PCDH15: variants seen among roughly 807,000 people sequenced by gnomAD.
The protein encoded by PCDH15 is protocadherin related 15.
A neutral mutation model predicts 178.5 loss-of-function variants in PCDH15; 129 were observed. The ratio of observed to expected loss-of-function variants is 0.72; its 90% CI spans 0.63 to 0.84. The LOEUF is 0.84. Among genes scored for constraint, PCDH15 ranks in the 40% least tolerant of loss-of-function variants. The pLI is 0.00. For synonymous variants in PCDH15, 800 were observed against 732.0 expected (o/e 1.09, Z -1.50); for missense variants, 2,230 against 2,099.9 (o/e 1.06, Z -1.21).
chr10:53,965,877 T>C (rs1209428034), intron 21 of PCDH15, among the ~76,000 whole-genome samples: 3 of 146,308 alleles, frequency 2.1e-5, no homozygotes, highest in Non-Finnish European at 3.0e-5. Flanking sequence ...AAATTTTTTT[T>C]TGCATATGGA....
chr10:54,989,116 T>G (rs767020359), intron 2 of PCDH15, among the ~76,000 whole-genome samples: 8 of 152,148 alleles, frequency 5.3e-5, no homozygotes, highest in Non-Finnish European at 8.8e-5. Context: ...CCCTGTGGTG[T>G]TGTGCCTTCA....
At chr10:54,570,085 C>T (rs540378743) in intron 2 of PCDH15, among the ~76,000 whole-genome samples, 15 of 151,356 alleles carry the variant, frequency 9.9e-5, no homozygotes, top group African/African-American at 3.1e-4. Context: ...TGTGTGAATG[C>T]GTTTATCTCA....
chr10:55,360,285 A>C (rs1009209053), intron 2 of PCDH15, among the ~76,000 whole-genome samples: 1 of 152,024 alleles, frequency 6.6e-6, no homozygotes, highest in Non-Finnish European at 1.5e-5. Flanking sequence ...AAAATACATG[A>C]ATTGTGTGTG....
intron 2 of PCDH15, among the ~76,000 whole-genome samples, chr10:55,551,128 G>A (rs1841995417): frequency 6.6e-6 from 1 of 151,962 alleles, no homozygotes; most frequent in African/African-American, 2.4e-5. Flanking sequence ...TAATACATAA[G>A]AGAATTACTT....
intron 25 of PCDH15, among the ~76,000 whole-genome samples, chr10:53,906,346 A>G (rs1046335835): frequency 6.6e-6 from 1 of 151,994 alleles, no homozygotes; most frequent in African/African-American, 2.4e-5. Context: ...GTTTCTTTCT[A>G]TAAATAACCT....
At chr10:55,229,664 T>A (rs1841155932) in intron 1 of PCDH15, among the ~76,000 whole-genome samples, 1 of 152,122 alleles carries the variant, frequency 6.6e-6, no homozygotes, top group Non-Finnish European at 1.5e-5. Flanking sequence ...ATCATTTTCT[T>A]TGGCTTTAGT....
At chr10:55,570,289 A>G (rs1842384129) in intron 2 of PCDH15, among the ~76,000 whole-genome samples, 1 of 152,054 alleles carries the variant, frequency 6.6e-6, no homozygotes, top group African/African-American at 2.4e-5. Flanking sequence ...GAGGTTTTTG[A>G]CAATTTTTAC....
intron 2 of PCDH15, among the ~76,000 whole-genome samples, chr10:55,332,904 G>T (rs34571168): frequency 6.6e-6 from 1 of 151,928 alleles, no homozygotes; most frequent in Non-Finnish European, 1.5e-5. Flanking sequence ...TGAGTCAGGT[G>T]TGTCTTTATC....
intron 2 of PCDH15, among the ~76,000 whole-genome samples, chr10:54,614,262 T>C (rs1008782638): frequency 3.9e-5 from 6 of 152,002 alleles, no homozygotes; most frequent in East Asian, 1.9e-4. Context: ...GAAGAGATTT[T>C]GAGTTTCACC....
intron 2 of PCDH15, among the ~76,000 whole-genome samples, chr10:55,101,903 A>G (rs1015046959): frequency 6.6e-6 from 1 of 151,726 alleles, no homozygotes; most frequent in Non-Finnish European, 1.5e-5. Flanking sequence ...TTAGATATCA[A>G]TATGAAAAAA....
chr10:54,066,287 A>C (rs928650583), intron 18 of PCDH15, among the ~76,000 whole-genome samples: 1 of 152,210 alleles, frequency 6.6e-6, no homozygotes, highest in African/African-American at 2.4e-5. Flanking sequence ...TTAGAAGAAC[A>C]CTAAGAGTAA....
intron 1 of PCDH15, among the ~76,000 whole-genome samples, chr10:55,267,745 T>C (rs1240568480): frequency 6.6e-6 from 1 of 152,198 alleles, no homozygotes; most frequent in Non-Finnish European, 1.5e-5. Context: ...AAATAAAACA[T>C]CTAAATTTAA....
intron 2 of PCDH15, among the ~76,000 whole-genome samples, chr10:55,603,383 A>C (rs978336259): frequency 6.6e-6 from 1 of 151,372 alleles, no homozygotes; most frequent in African/African-American, 2.4e-5. Flanking sequence ...AGATTCAGGA[A>C]ATACAGAGAA....
chr10:54,438,357 A>T (rs2075572786), intron 3 of PCDH15, among the ~76,000 whole-genome samples: 2 of 146,306 alleles, frequency 1.4e-5, no homozygotes, highest in Non-Finnish European at 3.0e-5. Context: ...CGGGGAGTGA[A>T]TTTGTAAGTT....
At chr10:54,974,806 C>T (rs965286475) in intron 2 of PCDH15, among the ~76,000 whole-genome samples, 2 of 152,190 alleles carry the variant, frequency 1.3e-5, no homozygotes, top group Middle Eastern at 3.4e-3. Flanking sequence ...TTAACATTGT[C>T]CTGTTAATGC....
intron 2 of PCDH15, among the ~76,000 whole-genome samples, chr10:54,632,237 C>A (rs2093722655): frequency 6.6e-6 from 1 of 151,922 alleles, no homozygotes; most frequent in Admixed American, 6.6e-5. Context: ...TTATTGGGTA[C>A]ACATGGACAT....
At chr10:55,493,641 C>A (rs190097922) in intron 2 of PCDH15, among the ~76,000 whole-genome samples, 1 of 151,622 alleles carries the variant, frequency 6.6e-6, no homozygotes. Context: ...AATATGTGAT[C>A]AAAAACTTAG....
chr10:53,941,591 G>C (rs1006268594), intron 23 of PCDH15, among the ~76,000 whole-genome samples: 2 of 152,144 alleles, frequency 1.3e-5, no homozygotes, highest in African/African-American at 2.4e-5. Context: ...TTGCTTCCAA[G>C]TTTTGGCAAT....
At chr10:54,002,564 G>GA (rs1374324908) in intron 20 of PCDH15, among the ~76,000 whole-genome samples, 1 of 152,062 alleles carries the variant, frequency 6.6e-6, no homozygotes, top group Non-Finnish European at 1.5e-5. Context: ...CTAACACATG[G>GA]AAATTAAACA....
Sources: allele counts gnomAD v4.1 joint callset (sites outside exome capture counted in the v4.1 genomes callset), GRCh38; gene constraint gnomAD v4.1.1; transcripts MANE v1.5; gene names NCBI Gene and HGNC (gene_info 2026-07-23, HGNC 2026-07-21).